The following EHHADH variants were observed in gnomAD, a reference collection of about 807,000 sequenced individuals.
EHHADH encodes enoyl-CoA hydratase and 3-hydroxyacyl CoA dehydrogenase.
EHHADH carries 48 observed loss-of-function variants against 64.4 expected under a neutral mutation model. That is an observed-to-expected ratio of 0.75 (90% CI 0.59 to 0.95). The LOEUF is 0.95. Among genes scored for constraint, EHHADH ranks in the 40% least tolerant of loss-of-function variants. The pLI is 0.00. For missense variants in EHHADH, 854 were observed against 876.6 expected (o/e 0.97, Z 0.33); for synonymous variants, 308 against 326.7 (o/e 0.94, Z 0.62).
Position 185,229,560 on chromosome 3 carries a change from G to T in EHHADH, c.352-17C>A. 2 of 1,478,600 alleles carry T rather than the reference G, an allele frequency of 1.4e-6. No individual in the cohort carries two copies. Among genetic ancestry groups the T allele is most frequent in the South Asian group, 1.4e-5 (1 of 69,934 alleles). The allele number at this position is 1,478,600 out of a possible 1,614,324, so 91.6% of individuals were successfully genotyped here. A position where few individuals can be genotyped will look rare whatever the true frequency, so the allele number is the denominator to read the frequency against. ...AACTTGAGCCTATCAAAGATTGAAG[G>T]CATAAAGGCCATTAGCATGAGATGG... On this transcript the variant is annotated splice_polypyrimidine_tract_variant and intron_variant, in intron 3 of 6. Transcript: ENST00000231887.
chr3:185,207,892 A>T (rs1044906407), intron 5 of EHHADH, among the ~76,000 whole-genome samples: 4 of 152,222 alleles, frequency 2.6e-5, no homozygotes, highest in Admixed American at 6.5e-5. Context: ...TTAGGTAAAC[A>T]ATGTAATTTC....
intron 2 of EHHADH, among the ~76,000 whole-genome samples, chr3:185,238,328 C>G (rs1719355202): frequency 6.6e-6 from 1 of 152,160 alleles, no homozygotes; most frequent in South Asian, 2.1e-4. Context: ...TTTGAGAAAT[C>G]TCCATACTGT....
chr3:185,220,270 C>T (rs751740144), intron 4 of EHHADH, among the ~76,000 whole-genome samples: 1 of 152,170 alleles, frequency 6.6e-6, no homozygotes, highest in African/African-American at 2.4e-5. Context: ...ATTCCAAGTA[C>T]AGTCATATGC....
Position 185,192,418 on chromosome 3 carries a change from C to T in EHHADH, c.1980G>A (p.Lys660=), listed in dbSNP as rs201266244. 6.2e-7 allele frequency: 1 copy of T among 1,614,212 alleles called. No individual in the cohort carries two copies. ...YLHGYGWPRH[K]GGPMFYASTV... Reference sequence around the variant, plus strand: ...TGGAAGCATAGAACATGGGCCCGCCCTTGTGCCTTGGCCATCCATATCCAT... The same window carrying T: ...TGGAAGCATAGAACATGGGCCCGCCTTTGTGCCTTGGCCATCCATATCCAT... Residue 660 remains lysine, a synonymous_variant, in exon 7 of 7, where the codon AAG becomes AAA. Coordinates refer to ENST00000231887, the MANE Select transcript of EHHADH (RefSeq NM_001966.4).
intron 3 of EHHADH, among the ~76,000 whole-genome samples, chr3:185,230,191 A>G (rs1377744782): frequency 6.6e-6 from 1 of 152,226 alleles, no homozygotes; most frequent in Non-Finnish European, 1.5e-5. Context: ...GAGGATATGG[A>G]GAATACAGAA....
chr3:185,235,371 C>T lies in EHHADH; in HGVS notation c.270G>A (p.Val90=). 1.9e-6 allele frequency: 3 copies of T among 1,613,926 alleles called. No individual in the cohort carries two copies. Among genetic ancestry groups the T allele is most frequent in the Non-Finnish European group, 2.5e-6 (3 of 1,179,948 alleles). The change falls in exon 3 of 7, where the codon GTG becomes GTA. Residue 90 remains valine (V), a synonymous_variant. Coordinates refer to ENST00000231887, the MANE Select transcript of EHHADH (RefSeq NM_001966.4). Reference sequence around the variant, plus strand: ...AAGCCATGCCTTGGATTGCTGCCACCACGGGCTTCTCATTTCTCTGTATTT... The same window carrying T: ...AAGCCATGCCTTGGATTGCTGCCACTACGGGCTTCTCATTTCTCTGTATTT... ...VDEIQRNEKP[V]VAAIQGMAFG... is the part of the protein sequence containing the mutation.
At chr3:185,206,908 C>A (rs926098913) in intron 5 of EHHADH, among the ~76,000 whole-genome samples, 1 of 151,636 alleles carries the variant, frequency 6.6e-6, no homozygotes, top group Admixed American at 6.6e-5. Context: ...GAATAACACC[C>A]CCCCCACCAA....
chr3:185,204,386 A>G, intron 6 of EHHADH, 30 bp downstream of exon 6: 3 of 1,554,960 alleles, frequency 1.9e-6, no homozygotes, highest in Non-Finnish European at 2.6e-6. Context: ...GCAGATTTGG[A>G]GGATTCCATT....
intron 4 of EHHADH, among the ~76,000 whole-genome samples, chr3:185,222,016 T>C (rs1395280449): frequency 6.6e-6 from 1 of 152,170 alleles, no homozygotes; most frequent in Non-Finnish European, 1.5e-5. Context: ...AAAAAGCTTG[T>C]GTTTATGTAG....
At chr3:185,253,761 T>TA (rs60892892) in intron 1 of EHHADH, 188 bp downstream of exon 1, 65,632 of 1,056,282 alleles carry the variant, frequency 0.062, 33 homozygotes, top group Admixed American at 0.073. Flanking sequence ...TAATCTAGGT[T>TA]AAAAAAAAAA....
At chr3:185,200,447 T>A (rs1718192406) in intron 6 of EHHADH, among the ~76,000 whole-genome samples, 1 of 152,212 alleles carries the variant, frequency 6.6e-6, no homozygotes, top group Admixed American at 6.5e-5. Context: ...GTTGAACAGC[T>A]CTCACTTCTA....
At chr3:185,218,802 C>A (rs1427875038) in intron 4 of EHHADH, among the ~76,000 whole-genome samples, 3 of 151,760 alleles carry the variant, frequency 2.0e-5, no homozygotes, top group East Asian at 3.9e-4. Context: ...GCGGGTGGAT[C>A]ACCTGAGGTC....
intron 3 of EHHADH, among the ~76,000 whole-genome samples, chr3:185,230,485 C>A (rs1474143374): frequency 6.6e-6 from 1 of 152,134 alleles, no homozygotes. Flanking sequence ...TATTATTCAG[C>A]AAAATCAATA....
rs750972136 is a variant in EHHADH at position 185,193,375 on chromosome 3, G to A, written c.1023C>T (p.Thr341=). The change falls in exon 7 of 7, where the codon ACC becomes ACT. Residue 341 remains threonine, a synonymous_variant. Transcript: ENST00000231887. Reference sequence around the variant, plus strand: ...TGGAGGCTTCTTTTTCCAAGACAGAGGTTATCATCTTGTTTGCAGTTGCTA... The same window carrying A: ...TGGAGGCTTCTTTTTCCAAGACAGAAGTTATCATCTTGTTTGCAGTTGCTA... ...NQLATANKMI[T]SVLEKEASKM... 15 of 1,614,170 alleles carry A rather than the reference G, an allele frequency of 9.3e-6. 1 individual carries two copies. The South Asian group carries it at 1.6e-4, about 18-fold the overall frequency.
intron 6 of EHHADH, among the ~76,000 whole-genome samples, chr3:185,195,725 C>CTGGG (rs1718040671): frequency 6.6e-6 from 1 of 152,158 alleles, no homozygotes; most frequent in Admixed American, 6.5e-5. Flanking sequence ...GAGCTGAACA[C>CTGGG]TGGGTACACA....
chr3:185,193,920 TTAAG>T (rs1347886154), intron 6 of EHHADH, among the ~76,000 whole-genome samples: 4 of 152,250 alleles, frequency 2.6e-5, no homozygotes, highest in South Asian at 4.1e-4. Flanking sequence ...TTAATAGAAA[TTAAG>T]TAAGACCAAA....
intron 2 of EHHADH, chr3:185,245,808 T>C: frequency 4.0e-6 from 3 of 746,364 alleles, no homozygotes; most frequent in Non-Finnish European, 7.2e-6. Context: ...GTTTTCTTGG[T>C]TCCTACTCAG....
Position 185,248,476 on chromosome 3 carries a change from G to C in EHHADH, c.116C>G (p.Ala39Gly). ...GGCTTTTATTGTATGGTCTATTACA[G>C]CTTTCTGTAGTCCTTCTTTTATGTC... ...LRDIKEGLQK[A>G]VIDHTIKAIV... Residue 39 changes from alanine (A) to glycine (G), a missense_variant, in exon 2 of 7, where the codon GCT (alanine) becomes GGT (glycine). By Grantham distance (60) the Ala-to-Gly change is moderately conservative. Coordinates refer to ENST00000231887, the MANE Select transcript of EHHADH (RefSeq NM_001966.4). 1 of 1,613,702 alleles carries C rather than the reference G, an allele frequency of 6.2e-7. No individual in the cohort carries two copies. Among genetic ancestry groups the C allele is most frequent in the Non-Finnish European group, 8.5e-7 (1 of 1,179,800 alleles).
intron 4 of EHHADH, among the ~76,000 whole-genome samples, chr3:185,227,249 C>T (rs1263372102): frequency 1.3e-5 from 2 of 151,978 alleles, no homozygotes; most frequent in African/African-American, 2.4e-5. Context: ...TAATATATAC[C>T]TGGCTGGGCG....
Sources: allele counts gnomAD v4.1 joint callset (sites outside exome capture counted in the v4.1 genomes callset), GRCh38; gene constraint gnomAD v4.1.1; transcripts MANE v1.5; gene names NCBI Gene and HGNC (gene_info 2026-07-23, HGNC 2026-07-21).